The following INPP4B variants were observed in gnomAD, a reference collection of about 807,000 sequenced individuals.
INPP4B encodes inositol polyphosphate 4-phosphatase type II.
Under a neutral mutation model 122.5 loss-of-function variants are expected in INPP4B, and 55 were observed. That is an observed-to-expected ratio of 0.45 (90% CI 0.36 to 0.56). The LOEUF (loss-of-function observed/expected upper bound fraction) is 0.56, where lower values mean the gene tolerates loss of function less well. INPP4B is among the 20% of genes least tolerant of loss of function. The pLI is 0.00. For missense variants in INPP4B, 1,000 were observed against 1,097.7 expected (o/e 0.91, Z 1.26); for synonymous variants, 403 against 388.7 (o/e 1.04, Z -0.43).
intron 20 of INPP4B, among the ~76,000 whole-genome samples, chr4:142,122,874 A>T (rs1797138426): frequency 6.6e-6 from 1 of 152,086 alleles, no homozygotes; most frequent in African/African-American, 2.4e-5. Flanking sequence ...TATCTTTTAA[A>T]ACTAGTTTTT....
intron 2 of INPP4B, among the ~76,000 whole-genome samples, chr4:142,530,018 G>A (rs1010345292): frequency 6.6e-6 from 1 of 151,874 alleles, no homozygotes; most frequent in Non-Finnish European, 1.5e-5. Flanking sequence ...ACATGCAGGG[G>A]GCAGGAACAT....
At chr4:142,329,215 C>G (rs572974186) in intron 7 of INPP4B, among the ~76,000 whole-genome samples, 2 of 152,244 alleles carry the variant, frequency 1.3e-5, no homozygotes, top group African/African-American at 4.8e-5. Flanking sequence ...GCTTTACCTA[C>G]AGCTGTCCCT....
chr4:142,406,895 A>G (rs1045416507), intron 5 of INPP4B, among the ~76,000 whole-genome samples: 6 of 152,162 alleles, frequency 3.9e-5, no homozygotes, highest in Admixed American at 6.5e-5. Context: ...TTACATTACT[A>G]GAATTCTCTG....
chr4:142,454,504 T>C (rs553571429), intron 3 of INPP4B, among the ~76,000 whole-genome samples: 83 of 152,146 alleles, frequency 5.5e-4, no homozygotes, highest in Non-Finnish European at 1.0e-3. Context: ...ATGTTTGTTT[T>C]TGAATGGCTG....
chr4:142,099,358 T>A (rs1783482376), intron 23 of INPP4B, among the ~76,000 whole-genome samples: 1 of 152,176 alleles, frequency 6.6e-6, no homozygotes, highest in African/African-American at 2.4e-5. Context: ...TCCTCAGCCA[T>A]CTCGATGTTT....
chr4:142,073,746 G>A (rs1043637775), intron 25 of INPP4B, among the ~76,000 whole-genome samples: 1 of 152,052 alleles, frequency 6.6e-6, no homozygotes, highest in African/African-American at 2.4e-5. Flanking sequence ...TTATTTCCTT[G>A]ATTCTCTTGT....
intron 23 of INPP4B, among the ~76,000 whole-genome samples, chr4:142,101,721 G>T (rs1449466607): frequency 6.6e-6 from 1 of 152,072 alleles, no homozygotes; most frequent in Non-Finnish European, 1.5e-5. Context: ...GTATCAATTT[G>T]TAAGTTTATT....
intron 2 of INPP4B, among the ~76,000 whole-genome samples, chr4:142,689,805 T>C (rs923571523): frequency 2.0e-5 from 3 of 152,224 alleles, no homozygotes; most frequent in African/African-American, 4.8e-5. Flanking sequence ...TACATAAATA[T>C]GCATGTTTAT....
intron 14 of INPP4B, chr4:142,202,892 A>G (rs1841272608): frequency 8.3e-6 from 3 of 363,530 alleles, no homozygotes; most frequent in Admixed American, 6.5e-5. Flanking sequence ...CTGAAAAGCC[A>G]TGAGAGACTA....
At chr4:142,636,946 G>A (rs1354056718) in intron 2 of INPP4B, among the ~76,000 whole-genome samples, 1 of 151,830 alleles carries the variant, frequency 6.6e-6, no homozygotes, top group Non-Finnish European at 1.5e-5. Flanking sequence ...TATTTTAATT[G>A]TTAAAATACT....
chr4:142,716,034 G>A (rs1426918726), intron 2 of INPP4B, among the ~76,000 whole-genome samples: 2 of 152,172 alleles, frequency 1.3e-5, no homozygotes, highest in Non-Finnish European at 2.9e-5. Context: ...AAAAAAGAGA[G>A]AGGCAAGCAG....
At chr4:142,249,803 C>G (rs1731043040) in intron 11 of INPP4B, among the ~76,000 whole-genome samples, 1 of 152,208 alleles carries the variant, frequency 6.6e-6, no homozygotes, top group Non-Finnish European at 1.5e-5. Context: ...GTGCTGCAAA[C>G]AAGGTGCCTC....
chr4:142,509,517 G>A (rs1289310806), intron 2 of INPP4B, among the ~76,000 whole-genome samples: 3 of 152,142 alleles, frequency 2.0e-5, no homozygotes, highest in South Asian at 2.1e-4. Flanking sequence ...TGAGAATGAC[G>A]GTTTCCAGCT....
chr4:142,525,100 A>T (rs1309472175), intron 2 of INPP4B, among the ~76,000 whole-genome samples: 4 of 150,350 alleles, frequency 2.7e-5, no homozygotes, highest in Admixed American at 2.0e-4. Flanking sequence ...AATAACAGAC[A>T]AACAGAGAGC....
At chr4:142,518,393 ATCAG>A (rs1257424515) in intron 2 of INPP4B, among the ~76,000 whole-genome samples, 15 of 152,164 alleles carry the variant, frequency 9.9e-5, no homozygotes, top group African/African-American at 2.4e-5. Flanking sequence ...CCTAGCAGAA[ATCAG>A]TCAAATTATT....
At chr4:142,335,428 T>A (rs532095764) in intron 7 of INPP4B, among the ~76,000 whole-genome samples, 23 of 152,334 alleles carry the variant, frequency 1.5e-4, no homozygotes, top group African/African-American at 5.3e-4. Flanking sequence ...TCTTTTAGAA[T>A]TTAGCCATTA....
chr4:142,122,973 A>G (rs1797182880), intron 20 of INPP4B, among the ~76,000 whole-genome samples: 1 of 152,132 alleles, frequency 6.6e-6, no homozygotes, highest in Non-Finnish European at 1.5e-5. Context: ...TATATTGAAC[A>G]GTGCAGTTCT....
intron 2 of INPP4B, among the ~76,000 whole-genome samples, chr4:142,624,380 C>A (rs1256386529): frequency 6.6e-6 from 1 of 151,450 alleles, no homozygotes; most frequent in African/African-American, 2.4e-5. Context: ...TGAGAAGTGT[C>A]TGTTCATGTC....
chr4:142,471,785 C>T (rs546415768), intron 2 of INPP4B, among the ~76,000 whole-genome samples: 5 of 144,662 alleles, frequency 3.5e-5, no homozygotes, highest in Admixed American at 1.4e-4. Flanking sequence ...CCTGAGCACC[C>T]GCAATCCAAG....
Sources: gnomAD v4.1 joint callset for allele counts (sites outside exome capture counted in the v4.1 genomes callset) on GRCh38, gnomAD v4.1.1 for gene constraint, MANE v1.5 for transcripts, NCBI Gene and HGNC (gene_info 2026-07-23, HGNC 2026-07-21) for gene names.